Variants in PRIM2 observed in about 807,000 individuals in gnomAD.
PRIM2 encodes the protein DNA primase subunit 2, also known as DNA primase large subunit.
A neutral mutation model predicts 67.3 loss-of-function variants in PRIM2; 39 were observed. The observed-to-expected ratio is 0.58, with a 90% CI of 0.45 to 0.76. The LOEUF is 0.76. Ranked by LOEUF, PRIM2 falls within the 30% of genes least tolerant of loss-of-function variation. The pLI, the probability that PRIM2 is intolerant of heterozygous loss-of-function variation, is 0.00. For missense variants in PRIM2, 398 were observed against 598.7 expected (o/e 0.66, Z 3.50); for synonymous variants, 143 against 198.7 (o/e 0.72, Z 2.36).
At chr6:57,539,532 C>T (rs1775091130) in intron 10 of PRIM2, among the ~76,000 whole-genome samples, 1 of 149,660 alleles carries the variant, frequency 6.7e-6, no homozygotes, top group Non-Finnish European at 1.5e-5. Context: ...ATCCTGTGGA[C>T]ATAGATAATT....
At chr6:57,222,966 T>C in the PRIM2 span, among the ~76,000 whole-genome samples, 1 of 152,172 alleles carries the variant, frequency 6.6e-6, no homozygotes, top group East Asian at 1.9e-4. Context: ...GAGAAACGAA[T>C]ACTTAGGGTG....
chr6:57,412,207 ATTTTC>A (rs1185866044), intron 7 of PRIM2, among the ~76,000 whole-genome samples: 7 of 152,036 alleles, frequency 4.6e-5, no homozygotes, highest in African/African-American at 1.7e-4. Flanking sequence ...TTTGGAACTC[ATTTTC>A]TTAACATGCA....
intron 12 of PRIM2, among the ~76,000 whole-genome samples, chr6:57,616,858 C>A (rs2127495903): frequency 6.6e-6 from 1 of 152,304 alleles, no homozygotes; most frequent in South Asian, 2.1e-4. Context: ...ATGGATTTAC[C>A]TATTCTGAAT....
In PRIM2 at chr6:57,330,138, A is replaced by G. The variant is rs1344464178; in HGVS notation, c.459+4093A>G. Among the ~76,000 whole-genome samples the G allele has an allele frequency of 3.9e-5, 6 of 152,244 alleles. No individual in the cohort carries two copies. The South Asian group carries it at 6.2e-4, about 16-fold the overall frequency. On this transcript the variant is annotated intron_variant, in intron 5 of 13. Coordinates refer to ENST00000615550, the MANE Select transcript of PRIM2 (RefSeq NM_000947.5). ...ATATTAAGTCTTCCAATCCATGAAC[A>G]TGGGATGTCTTTCTATTTATTTAGA...
chr6:57,451,067 A>T (rs1772527997), intron 7 of PRIM2, among the ~76,000 whole-genome samples: 1 of 152,160 alleles, frequency 6.6e-6, no homozygotes, highest in African/African-American at 2.4e-5. Context: ...TAATGAGTTT[A>T]TGTATATTTA....
At chr6:57,272,485 A>C in the PRIM2 span, among the ~76,000 whole-genome samples, 9 of 152,038 alleles carry the variant, frequency 5.9e-5, no homozygotes, top group East Asian at 3.8e-4. Flanking sequence ...CTTGGTAGAT[A>C]TTCCTCCATC....
intron 7 of PRIM2, among the ~76,000 whole-genome samples, chr6:57,401,779 A>C (rs1310308818): frequency 2.6e-5 from 4 of 152,164 alleles, no homozygotes; most frequent in Admixed American, 6.5e-5. Context: ...GGCCCCAGCC[A>C]GGGGTTCTCT....
the PRIM2 span, among the ~76,000 whole-genome samples, chr6:57,289,235 C>G: frequency 2.0e-5 from 3 of 151,904 alleles, no homozygotes; most frequent in Non-Finnish European, 2.9e-5. Context: ...TGAAATAAAG[C>G]AAGAAGAGAA....
intron 7 of PRIM2, among the ~76,000 whole-genome samples, chr6:57,384,233 T>C (rs1447984085): frequency 6.6e-6 from 1 of 152,206 alleles, no homozygotes; most frequent in African/African-American, 2.4e-5. Context: ...GGTGTCGGCA[T>C]GGCCATGCTT....
At chr6:57,627,228 C>T (rs1417329527) in intron 12 of PRIM2, among the ~76,000 whole-genome samples, 8 of 114,448 alleles carry the variant, frequency 7.0e-5, no homozygotes, top group Admixed American at 2.5e-4. Flanking sequence ...TGTAGTGAGC[C>T]GAGATTGCGC....
At chr6:57,376,649 T>G (rs1162339129) in intron 5 of PRIM2, among the ~76,000 whole-genome samples, 4 of 152,244 alleles carry the variant, frequency 2.6e-5, no homozygotes, top group Non-Finnish European at 5.9e-5. Flanking sequence ...TTGAAGAGAT[T>G]TGAAACATTT....
At chr6:57,326,158 G>T in intron 5 of PRIM2, 113 bp downstream of exon 5, 1 of 1,172,746 alleles carries the variant, frequency 8.5e-7, no homozygotes, top group Non-Finnish European at 1.2e-6. Flanking sequence ...CCAAGTACCT[G>T]CCTGAAACAG....
chr6:57,425,199 A>T (rs1334703936), intron 7 of PRIM2, among the ~76,000 whole-genome samples: 1 of 151,962 alleles, frequency 6.6e-6, no homozygotes, highest in Admixed American at 6.6e-5. Context: ...AATAATTAGG[A>T]TTTATTTGAT....
At chr6:57,613,829 CT>C (rs1319203603) in intron 12 of PRIM2, among the ~76,000 whole-genome samples, 19 of 151,620 alleles carry the variant, frequency 1.3e-4, no homozygotes, top group African/African-American at 3.4e-4. Flanking sequence ...TATGTCTACT[CT>C]TTTTTTTTAT....
the PRIM2 span, among the ~76,000 whole-genome samples, chr6:57,279,121 A>G: frequency 6.6e-6 from 1 of 152,172 alleles, no homozygotes; most frequent in Non-Finnish European, 1.5e-5. Flanking sequence ...GTGAAACCCT[A>G]AACCCAATTC....
chr6:57,606,737 G>A (rs1200974275), intron 12 of PRIM2, among the ~76,000 whole-genome samples: 23 of 152,190 alleles, frequency 1.5e-4, no homozygotes. Flanking sequence ...TATCTCAATT[G>A]AGGACTACAT....
At chr6:57,406,654 T>C (rs1490858512) in intron 7 of PRIM2, among the ~76,000 whole-genome samples, 1 of 151,958 alleles carries the variant, frequency 6.6e-6, no homozygotes, top group African/African-American at 2.4e-5. Flanking sequence ...AACCAAGGAA[T>C]GAGAGAATTG....
intron 7 of PRIM2, among the ~76,000 whole-genome samples, chr6:57,469,382 G>T (rs1168482375): frequency 6.6e-6 from 1 of 152,306 alleles, no homozygotes; most frequent in Non-Finnish European, 1.5e-5. Flanking sequence ...AGTGAATCAC[G>T]TTTATGGTTT....
chr6:57,595,845 G>A (rs2127489937), intron 10 of PRIM2, among the ~76,000 whole-genome samples: 1 of 151,958 alleles, frequency 6.6e-6, no homozygotes, highest in East Asian at 1.9e-4. Flanking sequence ...GATTTTTATG[G>A]AGCCTTCATC....
Sources: allele counts gnomAD v4.1 joint callset (sites outside exome capture counted in the v4.1 genomes callset), GRCh38; gene constraint gnomAD v4.1.1; transcripts MANE v1.5; gene names NCBI Gene and HGNC (gene_info 2026-07-23, HGNC 2026-07-21).